DLG2: variants seen among roughly 807,000 people sequenced by gnomAD.
The protein encoded by DLG2 is discs large MAGUK scaffold protein 2, also known as disks large homolog 2.
A neutral mutation model predicts 132.5 loss-of-function variants in DLG2; 45 were observed. The observed-to-expected ratio is 0.34, with a 90% CI of 0.27 to 0.44. The LOEUF is 0.44. DLG2 is among the 20% of genes least tolerant of loss of function. The pLI, the probability that DLG2 is intolerant of heterozygous loss-of-function variation, is 1.00. For missense variants in DLG2, 1,045 were observed against 1,196.9 expected (o/e 0.87, Z 1.87); for synonymous variants, 424 against 419.6 (o/e 1.01, Z -0.13).
intron 17 of DLG2, among the ~76,000 whole-genome samples, chr11:83,811,534 T>C (rs1594784900): frequency 6.6e-6 from 1 of 152,120 alleles, no homozygotes; most frequent in East Asian, 1.9e-4. Context: ...TCTAGAAGAG[T>C]ATTTCCTCAC....
chr11:83,919,356 C>A (rs1180487110), intron 15 of DLG2, among the ~76,000 whole-genome samples: 1 of 152,036 alleles, frequency 6.6e-6, no homozygotes, highest in Non-Finnish European at 1.5e-5. Context: ...ACTATCTGAC[C>A]TTCAGGTTTC....
At chr11:84,991,870 T>C (rs2057161431) in intron 6 of DLG2, among the ~76,000 whole-genome samples, 1 of 152,238 alleles carries the variant, frequency 6.6e-6, no homozygotes, top group South Asian at 2.1e-4. Flanking sequence ...TTGGAATCTT[T>C]CAATAGCTTT....
At chr11:85,261,452 C>T (rs1198243675) in intron 4 of DLG2, among the ~76,000 whole-genome samples, 1 of 152,002 alleles carries the variant, frequency 6.6e-6, no homozygotes, top group African/African-American at 2.4e-5. Flanking sequence ...TCTCAACTTC[C>T]AACTACTTCC....
intron 3 of DLG2, among the ~76,000 whole-genome samples, chr11:85,465,073 CAAAAAAAAAAAAAAAAAAAAAAAAAAAAA>C (rs1157088846): frequency 2.2e-3 from 37 of 17,146 alleles, no homozygotes; most frequent in African/African-American, 3.7e-3. Context: ...AACTCTGCCT[CAAAAAAAAAAAAAAAAAAAAAAAAAAAAA>C]AAAAAAAAAA....
At chr11:85,165,763 C>T (rs2078393643) in intron 4 of DLG2, among the ~76,000 whole-genome samples, 1 of 152,158 alleles carries the variant, frequency 6.6e-6, no homozygotes, top group Non-Finnish European at 1.5e-5. Context: ...AGCTAACATG[C>T]AATAGGCCAA....
intron 6 of DLG2, among the ~76,000 whole-genome samples, chr11:85,083,431 G>A (rs942151294): frequency 1.3e-5 from 2 of 152,090 alleles, no homozygotes; most frequent in Non-Finnish European, 2.9e-5. Flanking sequence ...GGTTTCAATC[G>A]ATTTAAAAGT....
intron 3 of DLG2, among the ~76,000 whole-genome samples, chr11:85,553,518 G>T (rs932308086): frequency 4.6e-5 from 7 of 151,038 alleles, no homozygotes; most frequent in Admixed American, 4.6e-4. Context: ...GGGGTTTCCA[G>T]CTAAACTACA....
At chr11:83,554,888 A>T (rs2096484331) in intron 19 of DLG2, among the ~76,000 whole-genome samples, 1 of 152,254 alleles carries the variant, frequency 6.6e-6, no homozygotes, top group African/African-American at 2.4e-5. Context: ...AATGCTCATT[A>T]TGTGCCATGC....
At chr11:85,128,005 A>C (rs2075324980) in intron 5 of DLG2, among the ~76,000 whole-genome samples, 1 of 152,160 alleles carries the variant, frequency 6.6e-6, no homozygotes, top group Admixed American at 6.6e-5. Flanking sequence ...GGGTTGACAG[A>C]GGCAAAGAGT....
At chr11:84,327,419 T>C (rs1033079919) in intron 7 of DLG2, among the ~76,000 whole-genome samples, 4 of 152,168 alleles carry the variant, frequency 2.6e-5, no homozygotes, top group Non-Finnish European at 2.9e-5. Context: ...AGCTATTCTA[T>C]CTTTTGATTG....
intron 6 of DLG2, among the ~76,000 whole-genome samples, chr11:84,904,642 T>G (rs980733075): frequency 3.3e-5 from 5 of 152,182 alleles, no homozygotes; most frequent in African/African-American, 1.2e-4. Context: ...GTCATTTAGT[T>G]TTTCCTGATC....
intron 15 of DLG2, 32 bp from the exon 16 acceptor site, chr11:83,874,520 T>G: frequency 6.7e-7 from 1 of 1,494,976 alleles, no homozygotes; most frequent in African/African-American, 1.5e-5. Context: ...ACACACATCA[T>G]TTATTTATTT....
rs554526237 is a variant in DLG2 at position 84,206,365 on chromosome 11, G to C, written c.574-42854C>G. Among the ~76,000 whole-genome samples the C allele has an allele frequency of 2.6e-5, 4 of 151,994 alleles. No homozygotes were observed. In the South Asian group the frequency reaches 8.3e-4, roughly 32 times the overall value. ...TATACAAACTCTTCCACAAAATAGA[G>C]AACAAAGGAAAACATCCCAAGTCAT... On this transcript the variant is annotated intron_variant, in intron 8 of 27. Coordinates refer to ENST00000376104, the MANE Select transcript of DLG2 (RefSeq NM_001142699.3).
intron 6 of DLG2, among the ~76,000 whole-genome samples, chr11:84,605,193 C>T (rs899914730): frequency 3.3e-5 from 5 of 151,808 alleles, no homozygotes; most frequent in Non-Finnish European, 5.9e-5. Context: ...TCCTTTGATG[C>T]CAATGTAACA....
At chr11:84,456,917 T>C (rs1024494774) in intron 7 of DLG2, among the ~76,000 whole-genome samples, 2 of 151,254 alleles carry the variant, frequency 1.3e-5, no homozygotes, top group African/African-American at 2.4e-5. Context: ...CAACCACTTG[T>C]TATAAGTTAG....
At chr11:85,323,409 A>C (rs1196298135) in intron 3 of DLG2, among the ~76,000 whole-genome samples, 1 of 152,252 alleles carries the variant, frequency 6.6e-6, no homozygotes, top group Non-Finnish European at 1.5e-5. Flanking sequence ...TATGGGGCAC[A>C]TATGTTTTGA....
chr11:84,321,888 AC>A (rs2098406878), intron 7 of DLG2, among the ~76,000 whole-genome samples: 1 of 152,168 alleles, frequency 6.6e-6, no homozygotes, highest in African/African-American at 2.4e-5. Context: ...ATACCGGGTC[AC>A]CTTCTAAGAT....
Position 85,394,426 on chromosome 11 carries a change from AAGCTAAAGCATCACACAGC to A in DLG2, c.41-109080_41-109062del, listed in dbSNP as rs556841711. Among the ~76,000 whole-genome samples, 206 of 152,326 alleles carry A rather than the reference AAGCTAAAGCATCACACAGC, an allele frequency of 1.4e-3. 1 individual carries two copies. The highest frequency in any genetic ancestry group is 4.5e-3 in the African/African-American group (188 of 41,586). On this transcript the variant is annotated intron_variant, in intron 3 of 27. Transcript: ENST00000376104. ...TCAGATAAAAAGAGTAAAGCTTTGG[AAGCTAAAGCATCACACAGC>A]AGGTGAGTGACAGCAAAAGACAACA...
chr11:83,833,879 T>A (rs1358859397), intron 16 of DLG2, 109 bp from the exon 17 acceptor site: 4 of 1,183,310 alleles, frequency 3.4e-6, no homozygotes, highest in African/African-American at 1.5e-5. Flanking sequence ...CTTGTAAAAT[T>A]GTTTCTCAAA....
Sources: allele counts gnomAD v4.1 joint callset (sites outside exome capture counted in the v4.1 genomes callset), GRCh38; gene constraint gnomAD v4.1.1; transcripts MANE v1.5; gene names NCBI Gene and HGNC (gene_info 2026-07-23, HGNC 2026-07-21).